MAST1: variants seen among roughly 807,000 people sequenced by gnomAD.
MAST1 encodes microtubule-associated serine/threonine-protein kinase 1.
In MAST1, 40 loss-of-function variants were observed where a neutral mutation model predicts 124.6. That is an observed-to-expected ratio of 0.32 (90% confidence interval 0.25 to 0.42). MAST1 has a LOEUF of 0.42. MAST1 is among the 10% of genes least tolerant of loss of function. The pLI is 1.00. For missense variants in MAST1, 1,558 were observed against 2,181.9 expected (o/e 0.71, Z 5.70); for synonymous variants, 938 against 939.4 (o/e 1.00, Z 0.03).
At chr19:12,854,966 C>G in intron 10 of MAST1, among the ~76,000 whole-genome samples, 1 of 152,146 alleles carries the variant, frequency 6.6e-6, no homozygotes. Flanking sequence ...CCTGATGGCT[C>G]ACGGCTGTAA....
chr19:12,848,280 A>C, intron 7 of MAST1: 3 of 539,452 alleles, frequency 5.6e-6, no homozygotes, highest in Non-Finnish European at 6.6e-6. Context: ...CTTTACTCAA[A>C]TGTCACCTTT....
Position 12,874,169 on chromosome 19 carries a change from T to C in MAST1, c.4012T>C (p.Leu1338=), listed in dbSNP as rs1356345632. ...CCGCCTGGGCCGACAGGAGTCACCTTTGAGCCTGGGCGCGGACCCGTTGCT... is the reference window on the plus strand; with the variant it reads ...CCGCCTGGGCCGACAGGAGTCACCTCTGAGCCTGGGCGCGGACCCGTTGCT... ...VRRLGRQESP[L]SLGADPLLPE... The change falls in exon 26 of 26, where the codon TTG becomes CTG. Residue 1338 remains leucine, a synonymous_variant. Coordinates refer to ENST00000251472, the MANE Select transcript of MAST1 (RefSeq NM_014975.3). This position sits in a 1 kb window ranked among gnomAD's most constrained non-coding sequence, Gnocchi z 6.6. 4 of 1,541,922 alleles carry C rather than the reference T, an allele frequency of 2.6e-6. No individual in the cohort carries two copies. The highest frequency in any genetic ancestry group is 3.5e-6 in the Non-Finnish European group (4 of 1,146,706).
At chr19:12,869,664 T>A (rs183390087) in intron 22 of MAST1, among the ~76,000 whole-genome samples, 1 of 151,776 alleles carries the variant, frequency 6.6e-6, no homozygotes, top group Non-Finnish European at 1.5e-5. Flanking sequence ...TCTCAATCTC[T>A]TGACCTCGTG....
At chr19:12,873,585 C>T (rs1970269043) in intron 25 of MAST1, 24 bp from the exon 26 acceptor site, 1 of 1,578,318 alleles carries the variant, frequency 6.3e-7, no homozygotes, top group Non-Finnish European at 8.6e-7. Flanking sequence ...TGTACTCACT[C>T]GCTTCACCTC....
Position 12,866,988 on chromosome 19 carries a change from G to T in MAST1, c.2139+226G>T, listed in dbSNP as rs1238126042. Among the ~76,000 whole-genome samples the T allele has an allele frequency of 6.9e-6, 1 of 145,116 alleles. No individual in the cohort carries two copies. Among genetic ancestry groups the T allele is most frequent in the South Asian group, 2.5e-4 (1 of 4,028 alleles). On this transcript the variant is annotated intron_variant, in intron 18 of 25. Transcript: ENST00000251472. The surrounding 1 kb of genome is among the most constrained non-coding windows in gnomAD (Gnocchi z 5.2). The stretch of plus-strand genomic sequence containing the variant: ...TAACAGGAATCAGGACAGTTGTGCA[G>T]ATTGAGGCCATGGTGGGGCGGGGCT...
intron 10 of MAST1, among the ~76,000 whole-genome samples, chr19:12,852,928 ATTT>A (rs2145896065): frequency 1.3e-5 from 2 of 152,110 alleles, no homozygotes; most frequent in African/African-American, 4.8e-5. Flanking sequence ...GAAACATAAA[ATTT>A]AATTTACTTT....
chr19:12,847,111 C>T lies in MAST1; in HGVS notation c.328-179C>T, dbSNP rs1259695188. The T allele has an allele frequency of 2.5e-5, 15 of 597,594 alleles. No homozygotes were observed. Among genetic ancestry groups the T allele is most frequent in the Non-Finnish European group, 4.2e-5 (14 of 334,868 alleles). 37.0% of individuals were successfully genotyped at this position (597,594 alleles called of 1,614,324 possible). ...TCACTGTCTCCACCCCTGTCTGTCCCTGTCCACCTGTCTGTGGCCAAGAGT... is the reference window on the plus strand; with the variant it reads ...TCACTGTCTCCACCCCTGTCTGTCCTTGTCCACCTGTCTGTGGCCAAGAGT... On this transcript the variant is annotated intron_variant, in intron 4 of 25. Transcript: ENST00000251472. The surrounding 1 kb of genome is among the most constrained non-coding windows in gnomAD (Gnocchi z 5.5).
At chr19:12,868,547 G>A (rs1970191868) in intron 20 of MAST1, 96 bp from the exon 21 acceptor site, 1 of 1,074,316 alleles carries the variant, frequency 9.3e-7, no homozygotes, top group Admixed American at 2.3e-5. Context: ...CATCCATCAA[G>A]GGTAAAAAGT....
intron 10 of MAST1, 114 bp downstream of exon 10, chr19:12,852,509 G>A: frequency 1.0e-6 from 1 of 992,632 alleles, no homozygotes; most frequent in Non-Finnish European, 1.6e-6. Context: ...TACACTCTGA[G>A]CCTCAGTTTT....
At position 12,858,799 on chromosome 19, in the gene MAST1, G is replaced by A. The variant is rs772174913; in HGVS notation, c.1366+60G>A. 2.5e-6 allele frequency: 4 copies of A among 1,576,466 alleles called. No individual in the cohort carries two copies. The East Asian group carries it at 9.0e-5, about 36-fold the overall frequency. On this transcript the variant is annotated intron_variant, in intron 12 of 25. Transcript: ENST00000251472. ...GCCGTGCTCACTGGTCAGGGCTGCG[G>A]GGTGGCCTGCCTGAGCCGCAGTCTC...
intron 7 of MAST1, 73 bp downstream of exon 7, chr19:12,848,130 C>A: frequency 7.4e-7 from 1 of 1,352,402 alleles, no homozygotes; most frequent in Non-Finnish European, 1.0e-6. Context: ...CCCCTTTCTT[C>A]ACCCCACATA....
In MAST1 at chr19:12,869,250, C is replaced by T. The variant is rs137886919; in HGVS notation, c.2958C>T (p.Val986=). ...KYGFTLRAIR[V]YMGDTDVYSV... ...GCTTCACACTGCGTGCCATCCGTGT[C>T]TACATGGGTGACACGGATGTCTATA... The change falls in exon 22 of 26, where the codon GTC becomes GTT. Residue 986 remains valine, a synonymous_variant. Coordinates refer to ENST00000251472, the MANE Select transcript of MAST1 (RefSeq NM_014975.3). 1,184 of 1,614,128 alleles carry T rather than the reference C, an allele frequency of 7.3e-4. 3 individuals carry two copies. Among genetic ancestry groups the T allele is most frequent in the Middle Eastern group, 3.5e-3 (21 of 6,062 alleles).
intron 4 of MAST1, among the ~76,000 whole-genome samples, chr19:12,844,661 G>A (rs1969870391): frequency 6.6e-6 from 1 of 152,180 alleles, no homozygotes; most frequent in Non-Finnish European, 1.5e-5. Context: ...GGAAGAGCAT[G>A]TGCAAACCTC....
intron 7 of MAST1, 22 bp from the exon 8 acceptor site, chr19:12,851,912 C>T: frequency 1.3e-6 from 2 of 1,595,026 alleles, no homozygotes; most frequent in Non-Finnish European, 8.6e-7. Flanking sequence ...TGAGCCCTGT[C>T]CCTCTGTGTC....
chr19:12,842,274 G>C (rs1969839447), intron 3 of MAST1, among the ~76,000 whole-genome samples: 1 of 150,966 alleles, frequency 6.6e-6, no homozygotes, highest in Non-Finnish European at 1.5e-5. Context: ...AGTGTTTACT[G>C]TCTCTCTCTC....
chr19:12,858,523 C>A lies in MAST1; in HGVS notation c.1158-8C>A. On this transcript the variant is annotated splice_region_variant and splice_polypyrimidine_tract_variant and intron_variant, in intron 11 of 25. Coordinates refer to ENST00000251472, the MANE Select transcript of MAST1 (RefSeq NM_014975.3). Reference sequence around the variant, plus strand: ...GTGACGGCCGGTCCTCGCTCTCTCCCCCTGCAGCGCTGTCTACCTGGTGCG... The same window carrying A: ...GTGACGGCCGGTCCTCGCTCTCTCCACCTGCAGCGCTGTCTACCTGGTGCG... The A allele has an allele frequency of 6.2e-7, 1 of 1,613,638 alleles. No homozygotes were observed. Among genetic ancestry groups the A allele is most frequent in the South Asian group, 1.1e-5 (1 of 91,074 alleles).
chr19:12,840,940 G>A lies in MAST1; in HGVS notation c.173-51G>A, dbSNP rs372493691. 1,319 of 792,956 alleles carry A rather than the reference G, an allele frequency of 1.7e-3. 4 individuals are homozygous for A. The highest frequency in any genetic ancestry group is 1.5e-3 in the Non-Finnish European group (631 of 428,964). 49.1% of individuals were successfully genotyped at this position (792,956 alleles called of 1,614,324 possible). A position where few individuals can be genotyped will look rare whatever the true frequency, so the allele number is the denominator to read the frequency against. On this transcript the variant is annotated intron_variant, in intron 2 of 25. Coordinates refer to ENST00000251472, the MANE Select transcript of MAST1 (RefSeq NM_014975.3). ...CAGGACATGCTGCTGTTTGCACGCC[G>A]CTTTAGGGAACGAGAGACCTGACAG...
chr19:12,849,922 C>T (rs574989271), intron 7 of MAST1, among the ~76,000 whole-genome samples: 25 of 151,982 alleles, frequency 1.6e-4, no homozygotes, highest in African/African-American at 5.1e-4. Context: ...CTCAGCCTCC[C>T]GAGTAGCTGG....
rs765818297 is a variant in MAST1 at position 12,874,547 on chromosome 19, G to T, written c.4390G>T (p.Ala1464Ser). The part of the protein sequence containing the change: ...GADSKGLQEP[A>S]PLAPSVPEAP... Reference sequence around the variant, plus strand: ...GGACTCCAAGGGGTTGCAGGAACCCGCACCCCTGGCGCCTTCCGTGCCCGA... The same window carrying T: ...GGACTCCAAGGGGTTGCAGGAACCCTCACCCCTGGCGCCTTCCGTGCCCGA... The change falls in exon 26 of 26, where the codon GCA becomes TCA. Residue 1464 changes from alanine (A) to serine (S), a missense_variant. Physicochemically the swap from Ala to Ser is moderately conservative, Grantham distance 99 (BLOSUM62 1). Around this residue, in one of 10 missense-constraint regions of MAST1, gnomAD observed 168 missense variants for 154.3 expected, o/e 1.09. Coordinates refer to ENST00000251472, the MANE Select transcript of MAST1 (RefSeq NM_014975.3). This position sits in a 1 kb window ranked among gnomAD's most constrained non-coding sequence, Gnocchi z 6.6. 4 of 1,513,752 alleles carry T rather than the reference G, an allele frequency of 2.6e-6. 1 individual carries two copies. Among genetic ancestry groups the T allele is most frequent in the Non-Finnish European group, 1.8e-6 (2 of 1,135,204 alleles). 93.8% of individuals were successfully genotyped at this position (1,513,752 alleles called of 1,614,324 possible).
Sources: gnomAD v4.1 joint callset for allele counts (sites outside exome capture counted in the v4.1 genomes callset) on GRCh38, gnomAD v4.1.1 for gene constraint, gnomAD v4.1.1 regional missense constraint, Gnocchi (gnomAD v3.1) non-coding constraint, MANE v1.5 for transcripts, NCBI Gene and HGNC (gene_info 2026-07-23, HGNC 2026-07-21) for gene names.